The following NRG3 variants were observed in gnomAD, a reference collection of about 807,000 sequenced individuals.
NRG3 encodes the protein neuregulin 3, also known as pro-neuregulin-3, membrane-bound isoform.
Under a neutral mutation model 66.9 loss-of-function variants are expected in NRG3, and 31 were observed. The ratio of observed to expected loss-of-function variants is 0.46; its 90% CI spans 0.35 to 0.63. NRG3 has a LOEUF of 0.63. Ranked by LOEUF, NRG3 falls within the 20% of genes least tolerant of loss-of-function variation. The pLI is 0.00. For synonymous variants in NRG3, 393 were observed against 359.4 expected, an observed-to-expected ratio of 1.09 and a Z score of -1.06; for missense variants, 910 against 878.9, an observed-to-expected ratio of 1.04 and a Z score of -0.45.
intron 1 of NRG3, among the ~76,000 whole-genome samples, chr10:82,260,558 CCATGG>C (rs973807364): frequency 1.3e-5 from 2 of 152,080 alleles, no homozygotes; most frequent in Non-Finnish European, 2.9e-5. Context: ...ATCTTTTAAG[CCATGG>C]CATTTGCAGT....
chr10:82,821,210 G>A (rs61744089), intron 3 of NRG3, among the ~76,000 whole-genome samples: 11 of 152,086 alleles, frequency 7.2e-5, no homozygotes, highest in Non-Finnish European at 1.5e-4. Context: ...GTGGCATCAC[G>A]TTGTCCCTCT....
chr10:82,203,420 A>T (rs1439390825), intron 1 of NRG3, among the ~76,000 whole-genome samples: 1 of 152,168 alleles, frequency 6.6e-6, no homozygotes, highest in East Asian at 1.9e-4. Context: ...TAAAAATAAA[A>T]GTAGCTTGTA....
chr10:82,371,083 C>G (rs1040211209), intron 2 of NRG3, among the ~76,000 whole-genome samples: 1 of 151,994 alleles, frequency 6.6e-6, no homozygotes, highest in East Asian at 1.9e-4. Flanking sequence ...TTGTCAATAA[C>G]TTGCTATAAG....
intron 4 of NRG3, among the ~76,000 whole-genome samples, chr10:82,900,672 G>A (rs777354443): frequency 1.3e-5 from 2 of 152,200 alleles, no homozygotes; most frequent in Non-Finnish European, 1.5e-5. Context: ...TGGCCTTATA[G>A]GGTTGGTATA....
intron 2 of NRG3, among the ~76,000 whole-genome samples, chr10:82,651,682 T>A (rs1031107958): frequency 6.6e-6 from 1 of 152,228 alleles, no homozygotes; most frequent in Non-Finnish European, 1.5e-5. Flanking sequence ...CCCCATGGAC[T>A]TGTCAATGTC....
intron 2 of NRG3, among the ~76,000 whole-genome samples, chr10:82,515,696 A>G (rs1024544581): frequency 4.6e-5 from 7 of 152,178 alleles, no homozygotes; most frequent in African/African-American, 1.4e-4. Context: ...TACAACATCA[A>G]TAACAAACCC....
intron 1 of NRG3, among the ~76,000 whole-genome samples, chr10:82,251,633 T>G (rs1326769742): frequency 2.6e-5 from 4 of 152,158 alleles, no homozygotes. Flanking sequence ...GATAACACTT[T>G]GATTTTTTTT....
At chr10:82,135,902 T>C (rs768626592) in intron 1 of NRG3, among the ~76,000 whole-genome samples, 11 of 152,142 alleles carry the variant, frequency 7.2e-5, no homozygotes, top group Non-Finnish European at 1.3e-4. Flanking sequence ...CTTGAGGATA[T>C]TCGTCAATGT....
At chr10:82,453,749 T>C (rs1564938826) in intron 2 of NRG3, among the ~76,000 whole-genome samples, 1 of 150,992 alleles carries the variant, frequency 6.6e-6, no homozygotes, top group African/African-American at 2.4e-5. Flanking sequence ...CTCGGTGAGT[T>C]ATTTAACGGT....
chr10:82,085,218 T>C (rs2133451284), intron 1 of NRG3, among the ~76,000 whole-genome samples: 1 of 152,072 alleles, frequency 6.6e-6, no homozygotes, highest in East Asian at 1.9e-4. Context: ...TTTTGGAAAA[T>C]ACATGCTTTA....
At chr10:82,378,542 C>T (rs2085408460) in intron 2 of NRG3, among the ~76,000 whole-genome samples, 1 of 151,866 alleles carries the variant, frequency 6.6e-6, no homozygotes, top group Non-Finnish European at 1.5e-5. Flanking sequence ...CTCCCTCCCT[C>T]TCTTCTCTTC....
intron 2 of NRG3, among the ~76,000 whole-genome samples, chr10:82,493,618 T>C (rs1398366876): frequency 2.0e-5 from 3 of 152,098 alleles, no homozygotes; most frequent in Non-Finnish European, 4.4e-5. Flanking sequence ...TGTAACAGAG[T>C]AATTTATATT....
At chr10:82,423,018 G>A (rs888328872) in intron 2 of NRG3, among the ~76,000 whole-genome samples, 10 of 151,914 alleles carry the variant, frequency 6.6e-5, no homozygotes, top group Non-Finnish European at 1.2e-4. Flanking sequence ...CCAAGCTAAG[G>A]TGACTTTTGA....
intron 1 of NRG3, among the ~76,000 whole-genome samples, chr10:82,290,908 G>A (rs1247531454): frequency 6.6e-6 from 1 of 151,670 alleles, no homozygotes; most frequent in Admixed American, 6.6e-5. Context: ...CTACCAAAGT[G>A]CTGGGATTAC....
intron 3 of NRG3, among the ~76,000 whole-genome samples, chr10:82,847,805 G>C (rs191822522): frequency 2.0e-5 from 3 of 152,150 alleles, no homozygotes; most frequent in African/African-American, 7.2e-5. Flanking sequence ...GCTAAATGTG[G>C]ATTAAGAAAT....
At chr10:82,327,751 G>T (rs1589733193) in intron 1 of NRG3, among the ~76,000 whole-genome samples, 1 of 152,230 alleles carries the variant, frequency 6.6e-6, no homozygotes, top group Admixed American at 6.5e-5. Flanking sequence ...GTTAGGTAAG[G>T]CTGCCATACC....
chr10:81,989,758 G>A (rs2060664840), intron 1 of NRG3, among the ~76,000 whole-genome samples: 1 of 152,100 alleles, frequency 6.6e-6, no homozygotes, highest in Non-Finnish European at 1.5e-5. Flanking sequence ...GTAGAAAGAT[G>A]AGAAGTGAGA....
chr10:82,207,726 CATATGGT>C (rs888609601), intron 1 of NRG3, among the ~76,000 whole-genome samples: 1 of 152,096 alleles, frequency 6.6e-6, no homozygotes, highest in African/African-American at 2.4e-5. Flanking sequence ...AGACCTTCTT[CATATGGT>C]GGCAGGAAAG....
chr10:82,382,333 G>C (rs2135864491), intron 2 of NRG3, among the ~76,000 whole-genome samples: 1 of 151,824 alleles, frequency 6.6e-6, no homozygotes, highest in East Asian at 1.9e-4. Flanking sequence ...TCCTTTAGTA[G>C]CTTATAGGTT....
Sources: allele counts gnomAD v4.1 joint callset (sites outside exome capture counted in the v4.1 genomes callset), GRCh38; gene constraint gnomAD v4.1.1; transcripts MANE v1.5; gene names NCBI Gene and HGNC (gene_info 2026-07-23, HGNC 2026-07-21).